The following TRMT2B variants were observed in gnomAD, a reference collection of about 807,000 sequenced individuals.
TRMT2B encodes the protein tRNA methyltransferase 2B.
A neutral mutation model predicts 39.7 loss-of-function variants in TRMT2B; 34 were observed. That is an observed-to-expected ratio of 0.86 (90% CI 0.65 to 1.14). The LOEUF is 1.14. Ranked by LOEUF, TRMT2B falls within the 50% of genes most tolerant of loss-of-function variation. The pLI is 0.00. For synonymous variants in TRMT2B, 132 were observed against 137.3 expected, an observed-to-expected ratio of 0.96 and a Z score of 0.27; for missense variants, 318 against 377.2, an observed-to-expected ratio of 0.84 and a Z score of 1.30.
chrX:101,031,861 G>C (rs999714302), intron 7 of TRMT2B, among the ~76,000 whole-genome samples: 2 of 111,210 alleles, frequency 1.8e-5, no homozygotes, highest in African/African-American at 3.3e-5. Context: ...TAAAGCTGTT[G>C]GTATGTAGGT....
At chrX:101,031,011 G>A (rs989359247) in intron 7 of TRMT2B, among the ~76,000 whole-genome samples, 2 of 106,522 alleles carry the variant, frequency 1.9e-5, no homozygotes, top group Admixed American at 1.0e-4. Flanking sequence ...TTGCTCTATC[G>A]CCCAGTTTGG....
chrX:100,991,723 G>C, the TRMT2B span, among the ~76,000 whole-genome samples: 1 of 111,639 alleles, frequency 9.0e-6, no homozygotes, highest in African/African-American at 3.3e-5. Flanking sequence ...ACAACCCTTG[G>C]GGGTAAGCAC....
chrX:101,005,323 G>A (rs1006928559), downstream of TRMT2B, among the ~76,000 whole-genome samples: 2 of 111,246 alleles, frequency 1.8e-5, no homozygotes, highest in Non-Finnish European at 3.8e-5. Flanking sequence ...AACTCAGGAG[G>A]TGGAGGTTGC....
chrX:100,976,635 G>A, the TRMT2B span, among the ~76,000 whole-genome samples: 1 of 112,016 alleles, frequency 8.9e-6, no homozygotes, highest in African/African-American at 3.2e-5. Flanking sequence ...TTTTTGAGAC[G>A]GAGTTTCACT....
Position 101,041,328 on chromosome X carries a change from C to G in TRMT2B, c.292G>C (p.Glu98Gln), listed in dbSNP as rs763061856. The change falls in exon 4 of 14, where the codon GAA (glutamate) becomes CAA (glutamine). Residue 98 changes from glutamate (E) to glutamine (Q), a missense_variant. Glu to Gln is a conservative substitution (Grantham distance 29). Transcript: ENST00000372936. ...VTPLWRLSYE[E>Q]QLKVKFAAQK... ...GGCTGGGCACCTACCTTGAGCTGTT[C>G]TTCATAGCTCAACCTCCAGAGTGGT... The G allele has an allele frequency of 8.3e-7, 1 of 1,209,777 alleles. No homozygotes were observed. The highest frequency in any genetic ancestry group is 1.8e-5 in the South Asian group (1 of 56,571).
Position 101,040,381 on chromosome X carries a change from C to A in TRMT2B, c.303+936G>T, listed in dbSNP as rs768145603. Among the ~76,000 whole-genome samples the A allele has an allele frequency of 5.4e-5, 6 of 110,169 alleles. No homozygotes were observed. In the South Asian group the frequency reaches 1.9e-3, roughly 35 times the overall value. ...TGAGTCAGATGGAAAGTTCTAACAC[C>A]AGATGTGGATGGGTATGGCTCATAA... is the stretch of plus-strand genomic sequence containing the variant. On this transcript the variant is annotated intron_variant, in intron 4 of 13. Coordinates refer to ENST00000372936, the MANE Select transcript of TRMT2B (RefSeq NM_024917.6).
intron 5 of TRMT2B, chrX:101,037,575 G>C (rs1332117398): frequency 5.8e-6 from 1 of 170,966 alleles, no homozygotes; most frequent in Non-Finnish European, 1.1e-5. Context: ...GGATGGCAGG[G>C]AGAAAGGTTT....
the TRMT2B span, among the ~76,000 whole-genome samples, chrX:100,992,098 C>T: frequency 9.0e-6 from 1 of 111,270 alleles, no homozygotes; most frequent in African/African-American, 3.3e-5. Context: ...CCCAATTACA[C>T]TGATTTGATC....
chrX:100,989,958 G>C, the TRMT2B span, among the ~76,000 whole-genome samples: 2 of 112,679 alleles, frequency 1.8e-5, no homozygotes, highest in Admixed American at 1.9e-4. Context: ...TGGTAGAAGA[G>C]GAAGTGTTTT....
chrX:100,988,836 TGA>T, the TRMT2B span, among the ~76,000 whole-genome samples: 1 of 74,152 alleles, frequency 1.3e-5, no homozygotes, highest in African/African-American at 5.5e-5. Flanking sequence ...TATATATATA[TGA>T]GATAATATAT....
Position 101,010,409 on chromosome X carries a change from CA to C in TRMT2B, c.*171del, listed in dbSNP as rs781438390. On this transcript the variant is annotated 3_prime_UTR_variant, in exon 14 of 14. Coordinates refer to ENST00000372936, the MANE Select transcript of TRMT2B (RefSeq NM_024917.6). ...CCTGGGCAAGAGTGAGACTCTATCT[CA>C]AAAAAAAAATCTGCCTCAGACCAGA... is the stretch of plus-strand genomic sequence containing the variant. 6.7e-3 allele frequency: 3,146 copies of C among 471,103 alleles called. No individual in the cohort carries two copies. Among genetic ancestry groups the C allele is most frequent in the Non-Finnish European group, 7.7e-3 (2,262 of 292,184 alleles). 38.8% of individuals were successfully genotyped at this position (471,103 alleles called of 1,213,427 possible). A position where few individuals can be genotyped will look rare whatever the true frequency, so the allele number is the denominator to read the frequency against.
the TRMT2B span, among the ~76,000 whole-genome samples, chrX:100,991,609 C>T: frequency 3.0e-4 from 34 of 111,520 alleles, no homozygotes; most frequent in South Asian, 7.6e-4. Context: ...CTCCTGACCT[C>T]GTGATCCGCC....
intron 7 of TRMT2B, among the ~76,000 whole-genome samples, chrX:101,024,806 G>A (rs1201228893): frequency 9.1e-6 from 1 of 109,898 alleles, no homozygotes; most frequent in Non-Finnish European, 1.9e-5. Context: ...GGGCAACAGA[G>A]TGAGACTCTA....
the TRMT2B span, among the ~76,000 whole-genome samples, chrX:100,975,309 A>T: frequency 9.0e-6 from 1 of 111,132 alleles, no homozygotes; most frequent in African/African-American, 3.3e-5. Context: ...CTCCATCATT[A>T]TCTACCTGCT....
chrX:101,004,716 G>T (rs2086089155), downstream of TRMT2B, among the ~76,000 whole-genome samples: 1 of 110,372 alleles, frequency 9.1e-6, no homozygotes, highest in African/African-American at 3.3e-5. Flanking sequence ...GGTCAGGCTG[G>T]TCTCAAACTC....
intron 2 of TRMT2B, 130 bp from the exon 3 acceptor site, chrX:101,042,442 A>G: frequency 1.4e-6 from 1 of 703,720 alleles, no homozygotes; most frequent in Non-Finnish European, 2.0e-6. Flanking sequence ...CAGTAAAAGC[A>G]AGCCTGTTGA....
At position 101,042,176 on chromosome X, in the gene TRMT2B, T is replaced by A. The variant is rs777298530; in HGVS notation, c.114A>T (p.Gly38=). The part of the protein sequence containing the change: ...LLPWYARNPP[G]WSQLFLGTVC... ...CTGTGCCCAGAAAGAGCTGTGACCA[T>A]CCTGGTGGATTTCTGGCATACCAGG... Residue 38 remains glycine (G), a synonymous_variant, in exon 3 of 14, where the codon GGA becomes GGT. Coordinates refer to ENST00000372936, the MANE Select transcript of TRMT2B (RefSeq NM_024917.6). 9 of 1,212,200 alleles carry A rather than the reference T, an allele frequency of 7.4e-6. No individual in the cohort carries two copies. The highest frequency in any genetic ancestry group is 1.0e-5 in the Non-Finnish European group (9 of 895,630).
At chrX:101,001,536 C>T in the TRMT2B span, among the ~76,000 whole-genome samples, 1 of 110,242 alleles carries the variant, frequency 9.1e-6, no homozygotes, top group Non-Finnish European at 1.9e-5. Flanking sequence ...GCACCCAGCC[C>T]GGATCTTGGT....
At position 101,009,761 on chromosome X, in the gene TRMT2B, A is replaced by C. The variant is rs2086176867; in HGVS notation, c.*820T>G. 1.0e-5 allele frequency: 1 copy of C among 100,309 alleles called. No individual in the cohort carries two copies. The highest frequency in any genetic ancestry group is 3.5e-5 in the African/African-American group (1 of 28,469). 8.3% of individuals were successfully genotyped at this position (100,309 alleles called of 1,213,427 possible). ...AAACCAAGAAAACCCAAAAGAATTAATCTCATCTGATGATCACTCAGTCAC... is the reference window on the plus strand; with the variant it reads ...AAACCAAGAAAACCCAAAAGAATTACTCTCATCTGATGATCACTCAGTCAC... On this transcript the variant is annotated 3_prime_UTR_variant, in exon 14 of 14. Coordinates refer to ENST00000372936, the MANE Select transcript of TRMT2B (RefSeq NM_024917.6).
Sources: allele counts gnomAD v4.1 joint callset (sites outside exome capture counted in the v4.1 genomes callset), GRCh38; gene constraint gnomAD v4.1.1; transcripts MANE v1.5; gene names NCBI Gene and HGNC (gene_info 2026-07-23, HGNC 2026-07-21).